NBAS: variants seen among roughly 807,000 people sequenced by gnomAD.
NBAS encodes NAG/BC035112 fusion.
Under a neutral mutation model 302.5 loss-of-function variants are expected in NBAS, and 219 were observed. The ratio of observed to expected loss-of-function variants is 0.72; its 90% CI spans 0.65 to 0.81. NBAS has a LOEUF of 0.81. Ranked by LOEUF, NBAS falls within the 30% of genes least tolerant of loss-of-function variation. The probability of loss-of-function intolerance (pLI) is 0.00; values close to 1 mark genes in which losing one functional copy is unlikely to be tolerated. For synonymous variants in NBAS, 1,118 were observed against 1,021.6 expected, an observed-to-expected ratio of 1.09 and a Z score of -1.80; for missense variants, 2,932 against 2,841.6, an observed-to-expected ratio of 1.03 and a Z score of -0.72.
chr2:14,801,567 T>C, the NBAS span, among the ~76,000 whole-genome samples: 1,486 of 152,250 alleles, frequency 9.8e-3, 27 homozygotes, highest in African/African-American at 0.034. Flanking sequence ...CTTGAATATA[T>C]GGAATAAAAT....
intron 21 of NBAS, among the ~76,000 whole-genome samples, chr2:15,457,665 G>A (rs1160242796): frequency 3.3e-5 from 5 of 152,232 alleles, no homozygotes; most frequent in South Asian, 2.1e-4. Flanking sequence ...ATGCACGTTC[G>A]AGGTGCCCAA....
chr2:15,078,637 T>C, the NBAS span, among the ~76,000 whole-genome samples: 15 of 152,288 alleles, frequency 9.8e-5, no homozygotes, highest in Admixed American at 5.9e-4. Flanking sequence ...ACCTCCTGGA[T>C]TGAGATAGAA....
chr2:14,838,647 T>A, the NBAS span, among the ~76,000 whole-genome samples: 1 of 152,012 alleles, frequency 6.6e-6, no homozygotes, highest in Non-Finnish European at 1.5e-5. Flanking sequence ...GTTGAACAGA[T>A]GTTTACAGAA....
At chr2:15,130,603 T>C in the NBAS span, among the ~76,000 whole-genome samples, 1 of 152,272 alleles carries the variant, frequency 6.6e-6, no homozygotes, top group Non-Finnish European at 1.5e-5. Context: ...GAGAGTGACT[T>C]GGGCAGGGCC....
chr2:15,228,050 C>A (rs1667216490), intron 47 of NBAS, among the ~76,000 whole-genome samples: 1 of 152,138 alleles, frequency 6.6e-6, no homozygotes, highest in South Asian at 2.1e-4. Flanking sequence ...AGTGAAGAGA[C>A]AGCCTACAGA....
Position 15,330,684 on chromosome 2 carries a change from T to G in NBAS, c.4261A>C (p.Thr1421Pro). Reference protein sequence around the residue: ...TATTMKVLSNTTTTTKAVLQA... With the variant: ...TATTMKVLSNPTTTTKAVLQA... ...AGCACCGCTTTGGTGGTGGTTGTGG[T>G]GTTGGAAAGGACTTTCATGGTGGTA... The change falls in exon 36 of 52, where the codon ACC becomes CCC. Residue 1421 changes from threonine to proline, a missense_variant. Physicochemically the swap from Thr to Pro is conservative, Grantham distance 38. Coordinates refer to ENST00000281513, the MANE Select transcript of NBAS (RefSeq NM_015909.4). 6.2e-7 allele frequency: 1 copy of G among 1,614,084 alleles called. No individual in the cohort carries two copies. The highest frequency in any genetic ancestry group is 8.5e-7 in the Non-Finnish European group (1 of 1,179,954).
At chr2:15,545,846 A>C (rs1664080936) in intron 6 of NBAS, among the ~76,000 whole-genome samples, 1 of 152,248 alleles carries the variant, frequency 6.6e-6, no homozygotes, top group Admixed American at 6.5e-5. Flanking sequence ...AGCAATCTAA[A>C]TACCAATATC....
chr2:15,055,129 A>G, the NBAS span, among the ~76,000 whole-genome samples: 1 of 152,182 alleles, frequency 6.6e-6, no homozygotes, highest in Non-Finnish European at 1.5e-5. Context: ...ACTCGAAGCA[A>G]TGGTGTAGAA....
intron 28 of NBAS, among the ~76,000 whole-genome samples, chr2:15,392,229 T>C (rs1021682644): frequency 1.3e-5 from 2 of 151,052 alleles, no homozygotes; most frequent in Non-Finnish European, 3.0e-5. Context: ...TTAACATACA[T>C]AAAAGTAAAT....
chr2:15,200,477 T>C (rs1244559554), intron 48 of NBAS, among the ~76,000 whole-genome samples: 3 of 152,188 alleles, frequency 2.0e-5, no homozygotes, highest in Non-Finnish European at 2.9e-5. Flanking sequence ...AAGTAACATA[T>C]ACCTCTTTTA....
intron 44 of NBAS, among the ~76,000 whole-genome samples, chr2:15,255,242 T>C (rs1030632065): frequency 6.6e-6 from 1 of 152,216 alleles, no homozygotes; most frequent in Non-Finnish European, 1.5e-5. Context: ...TTTTTTGATT[T>C]TTAAATTATG....
At chr2:15,048,050 C>T in the NBAS span, among the ~76,000 whole-genome samples, 52,413 of 120,572 alleles carry the variant, frequency 0.43, 10,653 homozygotes, top group East Asian at 0.66. Flanking sequence ...CCTGCTGGGC[C>T]GAGAACTCCT....
At chr2:14,863,872 T>C in the NBAS span, among the ~76,000 whole-genome samples, 5 of 152,204 alleles carry the variant, frequency 3.3e-5, no homozygotes, top group Admixed American at 2.6e-4. Flanking sequence ...TGGCAAGTAG[T>C]GAGTAGCAAA....
At position 15,556,802 on chromosome 2, in the gene NBAS, G is replaced by A. The variant is rs373101097; in HGVS notation, c.190C>T (p.Arg64Cys). The A allele has an allele frequency of 2.5e-5, 41 of 1,610,470 alleles. No individual in the cohort carries two copies. Among genetic ancestry groups the A allele is most frequent in the Middle Eastern group, 3.3e-4 (2 of 6,068 alleles). The change falls in exon 3 of 52, where the codon CGC (arginine) becomes TGC (cysteine). Residue 64 changes from arginine (R) to cysteine (C), a missense_variant. Arg to Cys is a radical substitution (Grantham distance 180). Transcript: ENST00000281513. ...KAIRDRLLFLRQYIWYSPAPF... is the reference protein window; with the variant it reads ...KAIRDRLLFLCQYIWYSPAPF... ...ACTCACCTGTACCAGATGTATTGGC[G>A]TAAAAATAATAAACGATCTGTAATC...
chr2:15,343,076 G>C lies in NBAS; in HGVS notation c.4179+8916C>G, dbSNP rs116720764. On this transcript the variant is annotated intron_variant, in intron 35 of 51. Transcript: ENST00000281513. Reference sequence around the variant, plus strand: ...CTATCAGGTTCTCCTTTCCAGAGAAGAACCATGAATCAAAAGCATACCCTG... The same window carrying C: ...CTATCAGGTTCTCCTTTCCAGAGAACAACCATGAATCAAAAGCATACCCTG... 2.2e-3 allele frequency among the ~76,000 whole-genome samples: 329 copies of C among 152,000 alleles called. 2 individuals carry two copies. Among genetic ancestry groups the C allele is most frequent in the Middle Eastern group, 0.01 (3 of 290 alleles).
the NBAS span, among the ~76,000 whole-genome samples, chr2:15,095,571 C>T: frequency 6.6e-6 from 1 of 152,188 alleles, no homozygotes; most frequent in Admixed American, 6.5e-5. Flanking sequence ...GGTGGGGACA[C>T]AGCCAAACTA....
the NBAS span, among the ~76,000 whole-genome samples, chr2:15,029,336 A>C: frequency 3.3e-5 from 5 of 152,204 alleles, no homozygotes; most frequent in Non-Finnish European, 7.3e-5. Flanking sequence ...CAGAACCATA[A>C]TTGCATTATA....
At chr2:15,148,162 C>T in the NBAS span, among the ~76,000 whole-genome samples, 2 of 152,200 alleles carry the variant, frequency 1.3e-5, no homozygotes, top group African/African-American at 4.8e-5. Context: ...ATTAAATATT[C>T]ACTTGCACAC....
chr2:14,933,968 A>C, the NBAS span, among the ~76,000 whole-genome samples: 9 of 152,308 alleles, frequency 5.9e-5, no homozygotes, highest in East Asian at 1.7e-3. Context: ...TCTTTGTTGC[A>C]TATAAAAACA....
Sources: gnomAD v4.1 joint callset for allele counts (sites outside exome capture counted in the v4.1 genomes callset) on GRCh38, gnomAD v4.1.1 for gene constraint, MANE v1.5 for transcripts, NCBI Gene and HGNC (gene_info 2026-07-23, HGNC 2026-07-21) for gene names.